The following GLIS3 variants were observed in gnomAD, a reference collection of about 807,000 sequenced individuals.
GLIS3 encodes GLIS family zinc finger 3.
Under a neutral mutation model 78.6 loss-of-function variants are expected in GLIS3, and 53 were observed. That is an observed-to-expected ratio of 0.67 (90% CI 0.54 to 0.85). The LOEUF is 0.85. Among genes scored for constraint, GLIS3 ranks in the 40% least tolerant of loss-of-function variants. The probability of loss-of-function intolerance (pLI) is 0.00; values close to 1 mark genes in which losing one functional copy is unlikely to be tolerated. For synonymous variants in GLIS3, 684 were observed against 509.9 expected (o/e 1.34, Z -4.60); for missense variants, 1,703 against 1,231.1 (o/e 1.38, Z -5.74).
the GLIS3 span, among the ~76,000 whole-genome samples, chr9:4,365,426 G>A: frequency 5.3e-5 from 8 of 151,852 alleles, no homozygotes; most frequent in South Asian, 2.1e-4. Context: ...GCATGGTGGC[G>A]GGTGCCTATA....
At chr9:4,031,410 A>G (rs1468000895) in intron 4 of GLIS3, among the ~76,000 whole-genome samples, 1 of 152,242 alleles carries the variant, frequency 6.6e-6, no homozygotes, top group Non-Finnish European at 1.5e-5. Context: ...ATATGATTCC[A>G]TTTATGTGAA....
the GLIS3 span, among the ~76,000 whole-genome samples, chr9:4,445,879 G>A: frequency 6.6e-6 from 1 of 152,188 alleles, no homozygotes; most frequent in Non-Finnish European, 1.5e-5. Context: ...AACTGGAAAT[G>A]GACCTGTGCC....
intron 4 of GLIS3, among the ~76,000 whole-genome samples, chr9:4,099,151 T>A (rs1830177282): frequency 1.3e-5 from 2 of 152,254 alleles, no homozygotes. Context: ...TAGGGCTGTC[T>A]GAATTAGATT....
intron 9 of GLIS3, among the ~76,000 whole-genome samples, chr9:3,831,199 A>T (rs778852639): frequency 1.2e-4 from 19 of 152,244 alleles, no homozygotes; most frequent in Non-Finnish European, 1.5e-5. Flanking sequence ...ATTAGTATAG[A>T]CTAGGAAAAT....
At chr9:3,836,542 C>G (rs80093416) in intron 9 of GLIS3, among the ~76,000 whole-genome samples, 1,702 of 152,328 alleles carry the variant, frequency 0.011, 32 homozygotes, top group African/African-American at 0.038. Flanking sequence ...TTCCAGCACT[C>G]TATGGCTCTT....
At chr9:4,212,208 C>A (rs1454458937) in intron 2 of GLIS3, among the ~76,000 whole-genome samples, 2 of 152,174 alleles carry the variant, frequency 1.3e-5, no homozygotes, top group African/African-American at 4.8e-5. Context: ...TAACAAGGGT[C>A]ATTGATCTGC....
At chr9:4,343,999 T>G (rs757621042) in intron 2 of GLIS3, among the ~76,000 whole-genome samples, 18 of 152,046 alleles carry the variant, frequency 1.2e-4, no homozygotes, top group Non-Finnish European at 2.6e-4. Flanking sequence ...AAATAAACTG[T>G]ACACAAAACT....
chr9:4,113,181 A>G (rs531686417), intron 4 of GLIS3, among the ~76,000 whole-genome samples: 2 of 152,178 alleles, frequency 1.3e-5, no homozygotes, highest in East Asian at 3.9e-4. Flanking sequence ...TAATATATAT[A>G]TGCGTATTTT....
chr9:4,259,849 CCTT>C (rs778380084), intron 2 of GLIS3, among the ~76,000 whole-genome samples: 3 of 152,172 alleles, frequency 2.0e-5, no homozygotes, highest in Non-Finnish European at 2.9e-5. Context: ...AAGTAAATCT[CCTT>C]CTTTGCCATG....
At chr9:4,325,102 C>T (rs1224915612) in intron 2 of GLIS3, among the ~76,000 whole-genome samples, 1 of 152,142 alleles carries the variant, frequency 6.6e-6, no homozygotes, top group Non-Finnish European at 1.5e-5. Context: ...CTGGTAAGTC[C>T]TCAAACTGGG....
intron 2 of GLIS3, among the ~76,000 whole-genome samples, chr9:4,131,184 G>GT (rs1182905071): frequency 6.6e-6 from 1 of 152,136 alleles, no homozygotes; most frequent in Non-Finnish European, 1.5e-5. Flanking sequence ...TAATTAACTT[G>GT]TTTTTTGATT....
chr9:4,283,996 C>T (rs752732189), intron 2 of GLIS3, among the ~76,000 whole-genome samples: 1 of 152,192 alleles, frequency 6.6e-6, no homozygotes, highest in Non-Finnish European at 1.5e-5. Context: ...CAAGAAGCAG[C>T]ACTACTTCTG....
intron 4 of GLIS3, among the ~76,000 whole-genome samples, chr9:4,003,879 T>G (rs555607207): frequency 6.6e-6 from 1 of 152,284 alleles, no homozygotes; most frequent in African/African-American, 2.4e-5. Flanking sequence ...AGATTTGAGA[T>G]TTGTTAAATT....
Position 3,958,536 on chromosome 9 carries a change from G to C in GLIS3, c.1711-21347C>G, listed in dbSNP as rs192742366. 2.3e-3 allele frequency among the ~76,000 whole-genome samples: 347 copies of C among 152,218 alleles called. 2 individuals carry two copies. The highest frequency in any genetic ancestry group is 3.0e-3 in the Non-Finnish European group (202 of 68,008). On this transcript the variant is annotated intron_variant, in intron 4 of 10. Transcript: ENST00000381971. ...TTCTGCTATTCCAACAGTCTTAAAA[G>C]GCTTCCATTCTTAAGTGCAGGGTCC...
the GLIS3 span, among the ~76,000 whole-genome samples, chr9:4,427,279 C>T: frequency 3.6e-4 from 55 of 152,196 alleles, no homozygotes; most frequent in African/African-American, 1.2e-3. Flanking sequence ...GAAGCATATG[C>T]CAAGAACTCC....
At chr9:4,326,115 G>A (rs1409442952) in intron 2 of GLIS3, among the ~76,000 whole-genome samples, 2 of 152,170 alleles carry the variant, frequency 1.3e-5, no homozygotes, top group Non-Finnish European at 2.9e-5. Context: ...TTACTTCCTA[G>A]GTGATGGGTT....
the GLIS3 span, among the ~76,000 whole-genome samples, chr9:4,472,000 GA>G: frequency 4.6e-5 from 7 of 152,120 alleles, no homozygotes; most frequent in Non-Finnish European, 8.8e-5. Flanking sequence ...ACAAACACAT[GA>G]AAAAATGCTC....
chr9:4,014,294 G>A (rs778073314), intron 4 of GLIS3, among the ~76,000 whole-genome samples: 16 of 152,176 alleles, frequency 1.1e-4, no homozygotes, highest in Admixed American at 6.5e-5. Context: ...CTTAGAAATT[G>A]TACTGGGCTA....
At chr9:4,060,638 A>G (rs1826570081) in intron 4 of GLIS3, among the ~76,000 whole-genome samples, 1 of 152,230 alleles carries the variant, frequency 6.6e-6, no homozygotes, top group South Asian at 2.1e-4. Flanking sequence ...GCCAGGTGAT[A>G]CCCTGTGTGC....
Sources: gnomAD v4.1 joint callset for allele counts (sites outside exome capture counted in the v4.1 genomes callset) on GRCh38, gnomAD v4.1.1 for gene constraint, MANE v1.5 for transcripts, NCBI Gene and HGNC (gene_info 2026-07-23, HGNC 2026-07-21) for gene names.